MYRIP: variants seen among roughly 807,000 people sequenced by gnomAD.
The protein encoded by MYRIP is rab effector MyRIP.
In MYRIP, 49 loss-of-function variants were observed where a neutral mutation model predicts 98.0. The observed-to-expected ratio is 0.50, with a 90% CI of 0.40 to 0.63. MYRIP has a LOEUF of 0.63. MYRIP is among the 30% of genes least tolerant of loss of function. The pLI, the probability that MYRIP is intolerant of heterozygous loss-of-function variation, is 0.00. For synonymous variants in MYRIP, 404 were observed against 409.5 expected (o/e 0.99, Z 0.16); for missense variants, 1,004 against 1,058.2 (o/e 0.95, Z 0.71).
chr3:39,817,608 T>A (rs2125567933), intron 1 of MYRIP, among the ~76,000 whole-genome samples: 1 of 152,288 alleles, frequency 6.6e-6, no homozygotes, highest in African/African-American at 2.4e-5. Context: ...TATTTCAAGA[T>A]AAAATCAATA....
At chr3:40,158,856 T>C (rs1194190157) in intron 4 of MYRIP, among the ~76,000 whole-genome samples, 1 of 150,158 alleles carries the variant, frequency 6.7e-6, no homozygotes, top group Non-Finnish European at 1.5e-5. Context: ...TTGGTAGATC[T>C]TCCTCCATCC....
intron 8 of MYRIP, chr3:40,174,255 C>T (rs895190774): frequency 1.5e-4 from 23 of 152,364 alleles, no homozygotes; most frequent in Non-Finnish European, 3.2e-4. Flanking sequence ...TCAGCTGGCT[C>T]TTTGTTACTG....
intron 12 of MYRIP, among the ~76,000 whole-genome samples, chr3:40,240,257 A>G (rs1952964686): frequency 6.6e-6 from 1 of 152,116 alleles, no homozygotes; most frequent in Admixed American, 6.5e-5. Flanking sequence ...GTTGTGTTCC[A>G]TTGATCTATA....
chr3:40,250,847 T>A (rs1953354010), intron 15 of MYRIP, among the ~76,000 whole-genome samples: 1 of 152,224 alleles, frequency 6.6e-6, no homozygotes, highest in African/African-American at 2.4e-5. Flanking sequence ...ACCTCAGAGT[T>A]TTCTGCCCAA....
chr3:40,043,904 T>A, intron 2 of MYRIP, 146 bp from the exon 3 acceptor site: 2 of 645,202 alleles, frequency 3.1e-6, no homozygotes, highest in South Asian at 1.9e-5. Flanking sequence ...GAGCAGTTGA[T>A]CTTTCTGAGT....
At chr3:39,949,803 A>G (rs141700497) in intron 2 of MYRIP, among the ~76,000 whole-genome samples, 6 of 152,290 alleles carry the variant, frequency 3.9e-5, no homozygotes, top group Non-Finnish European at 8.8e-5. Context: ...ACTTGAAGTC[A>G]GTACAAAGCA....
chr3:40,122,364 GAAA>G (rs565821006), intron 3 of MYRIP, among the ~76,000 whole-genome samples: 6 of 150,750 alleles, frequency 4.0e-5, no homozygotes, highest in African/African-American at 1.5e-4. Flanking sequence ...GAAAATATGA[GAAA>G]AAAAGGCCTT....
chr3:39,830,716 CAT>C (rs1395548196), intron 1 of MYRIP, among the ~76,000 whole-genome samples: 1 of 152,158 alleles, frequency 6.6e-6, no homozygotes, highest in African/African-American at 2.4e-5. Flanking sequence ...CTCTCTACCA[CAT>C]GTTTCTCATG....
intron 1 of MYRIP, among the ~76,000 whole-genome samples, chr3:39,900,073 G>A (rs189606066): frequency 1.3e-5 from 2 of 152,194 alleles, no homozygotes; most frequent in East Asian, 1.9e-4. Flanking sequence ...TGCCCACTTC[G>A]GCCTCCCAAA....
rs386396419 is a variant in MYRIP at position 40,129,440 on chromosome 3, CAAAAAAAAAAAAAAAAAA to C, written c.333-21589_333-21572del. Among the ~76,000 whole-genome samples the C allele has an allele frequency of 1.5e-3, 45 of 29,374 alleles. 2 individuals carry two copies. The highest frequency in any genetic ancestry group is 6.3e-3 in the Admixed American group (10 of 1,580). The allele number at this position is 29,374 out of a possible 152,430, so 19.3% of individuals were successfully genotyped here. On this transcript the variant is annotated intron_variant, in intron 3 of 16. Transcript: ENST00000302541. The stretch of plus-strand genomic sequence containing the variant: ...TGGGCGACAGAGTGAGACTCTGTCT[CAAAAAAAAAAAAAAAAAA>C]AAAAAAAAAAAAAAAAAATCATGCC...
intron 2 of MYRIP, among the ~76,000 whole-genome samples, chr3:39,993,367 A>G (rs1267364825): frequency 1.3e-5 from 2 of 152,108 alleles, no homozygotes; most frequent in African/African-American, 4.8e-5. Context: ...AACCATAGCA[A>G]TTTGCATTCA....
At chr3:39,936,918 T>C (rs1944666794) in intron 2 of MYRIP, among the ~76,000 whole-genome samples, 1 of 152,186 alleles carries the variant, frequency 6.6e-6, no homozygotes. Context: ...TTATGGAACT[T>C]GGTTTAACTT....
intron 2 of MYRIP, among the ~76,000 whole-genome samples, chr3:39,908,828 C>T (rs1943945140): frequency 1.3e-5 from 2 of 152,198 alleles, no homozygotes; most frequent in Admixed American, 1.3e-4. Flanking sequence ...AGCTGGAAGA[C>T]AGATCACCTT....
Position 40,259,119 on chromosome 3 carries a change from T to C in MYRIP, c.*953T>C, listed in dbSNP as rs1559481631. On this transcript the variant is annotated 3_prime_UTR_variant, in exon 17 of 17. Transcript: ENST00000302541. ...TATTCAGCAAAGTAGTAAAATGACC[T>C]TAAAGATAAAAATGATTAGGGAATA... is the stretch of plus-strand genomic sequence containing the variant. 6.6e-6 allele frequency: 1 copy of C among 152,170 alleles called. No homozygotes were observed. The highest frequency in any genetic ancestry group is 2.4e-5 in the African/African-American group (1 of 41,446). The allele number at this position is 152,170 out of a possible 1,614,324, so 9.4% of individuals were successfully genotyped here. A position where few individuals can be genotyped will look rare whatever the true frequency, so the allele number is the denominator to read the frequency against.
chr3:39,940,863 T>C (rs941332030), intron 2 of MYRIP, among the ~76,000 whole-genome samples: 3 of 152,146 alleles, frequency 2.0e-5, no homozygotes, highest in Non-Finnish European at 4.4e-5. Context: ...TTAAAGAAAA[T>C]AAAAATTATA....
intron 1 of MYRIP, among the ~76,000 whole-genome samples, chr3:39,818,671 A>G (rs187323838): frequency 2.8e-3 from 423 of 152,320 alleles, no homozygotes; most frequent in Non-Finnish European, 4.7e-3. Flanking sequence ...GGGGTATTAC[A>G]TAGATGCATT....
chr3:40,095,300 AG>A (rs1326522866), intron 3 of MYRIP, among the ~76,000 whole-genome samples: 1 of 152,160 alleles, frequency 6.6e-6, no homozygotes, highest in African/African-American at 2.4e-5. Flanking sequence ...GGCTATAAAC[AG>A]GTCATGGCAT....
chr3:40,129,783 T>C (rs1197730602), intron 3 of MYRIP, among the ~76,000 whole-genome samples: 1 of 152,210 alleles, frequency 6.6e-6, no homozygotes. Flanking sequence ...AGTGTTTCAG[T>C]TCCCTCCTTC....
chr3:39,915,627 G>T (rs1944135069), intron 2 of MYRIP, among the ~76,000 whole-genome samples: 1 of 151,778 alleles, frequency 6.6e-6, no homozygotes, highest in South Asian at 2.1e-4. Context: ...GATCTTATCA[G>T]GTAATTCTTA....
Sources: gnomAD v4.1 joint callset for allele counts (sites outside exome capture counted in the v4.1 genomes callset) on GRCh38, gnomAD v4.1.1 for gene constraint, MANE v1.5 for transcripts, NCBI Gene and HGNC (gene_info 2026-07-23, HGNC 2026-07-21) for gene names.